Variants in CFAP92 observed in about 807,000 individuals in gnomAD.
CFAP92 encodes the protein cilia and flagella associated protein 92 (putative), also known as uncharacterized protein CFAP92.
Under a neutral mutation model 106.3 loss-of-function variants are expected in CFAP92, and 86 were observed. The observed-to-expected ratio is 0.81, with a 90% confidence interval of 0.68 to 0.97. CFAP92 has a LOEUF of 0.97. Ranked by LOEUF, CFAP92 falls within the 50% of genes least tolerant of loss-of-function variation. The pLI is 0.00. For missense variants in CFAP92, 1,204 were observed against 1,283.8 expected, an observed-to-expected ratio of 0.94 and a Z score of 0.95; for synonymous variants, 477 against 506.4, an observed-to-expected ratio of 0.94 and a Z score of 0.78.
upstream of CFAP92, chr3:129,004,118 C>A: frequency 2.1e-6 from 3 of 1,442,160 alleles, no homozygotes; most frequent in Non-Finnish European, 2.7e-6. Flanking sequence ...TTCCCCAATT[C>A]GGCTCCCATT....
the CFAP92 span, among the ~76,000 whole-genome samples, chr3:129,014,399 T>C: frequency 6.6e-6 from 1 of 152,152 alleles, no homozygotes; most frequent in Non-Finnish European, 1.5e-5. This position sits in a 1 kb window ranked among gnomAD's most constrained non-coding sequence, Gnocchi z 4.3. Flanking sequence ...AGCGTTGGCT[T>C]CTCCTGCGGC....
upstream of CFAP92, chr3:128,994,235 A>G (rs1425474687): frequency 1.3e-6 from 1 of 755,260 alleles, no homozygotes; most frequent in Non-Finnish European, 1.6e-6. Context: ...AAATGGCTAC[A>G]TCCAGGTTCA....
chr3:128,952,107 A>AT (rs1312463904), intron 9 of CFAP92, among the ~76,000 whole-genome samples: 6 of 148,618 alleles, frequency 4.0e-5, no homozygotes, highest in African/African-American at 1.5e-4. Flanking sequence ...TACACATACA[A>AT]TTTTTTTCTT....
chr3:128,976,280 C>T (rs1043290201), intron 6 of CFAP92, among the ~76,000 whole-genome samples: 5 of 151,942 alleles, frequency 3.3e-5, no homozygotes, highest in African/African-American at 1.2e-4. Flanking sequence ...AGGAATTATC[C>T]ACAACATTTA....
intron 9 of CFAP92, among the ~76,000 whole-genome samples, chr3:128,962,101 C>T (rs1367751781): frequency 1.3e-5 from 2 of 152,218 alleles, no homozygotes; most frequent in African/African-American, 2.4e-5. Context: ...ACCTGGCAGC[C>T]ACTCCCAGAG....
At chr3:128,913,336 C>G (rs1936550583) in intron 15 of CFAP92, among the ~76,000 whole-genome samples, 1 of 152,202 alleles carries the variant, frequency 6.6e-6, no homozygotes, top group African/African-American at 2.4e-5. Flanking sequence ...GGGAGGCTGT[C>G]TCAGCTGATG....
At chr3:128,974,600 C>G (rs1235175626) in intron 7 of CFAP92, among the ~76,000 whole-genome samples, 1 of 150,940 alleles carries the variant, frequency 6.6e-6, no homozygotes, top group Non-Finnish European at 1.5e-5. Context: ...GCAGGCAGAT[C>G]ATTTGAGATC....
chr3:129,004,113 C>T, upstream of CFAP92: 1 of 1,456,032 alleles, frequency 6.9e-7, no homozygotes, highest in Non-Finnish European at 9.0e-7. Context: ...CCAAGTTCCC[C>T]AATTCGGCTC....
intron 5 of CFAP92, 41 bp from the exon 6 acceptor site, chr3:128,977,107 G>T: frequency 6.5e-7 from 1 of 1,531,766 alleles, no homozygotes; most frequent in African/African-American, 1.4e-5. Flanking sequence ...TTTGTTACAT[G>T]CTAGTTCACT....
At chr3:128,972,573 C>T (rs1053944447) in intron 7 of CFAP92, among the ~76,000 whole-genome samples, 14 of 151,000 alleles carry the variant, frequency 9.3e-5, no homozygotes, top group African/African-American at 3.2e-4. Context: ...GGTGATGTTT[C>T]GCCCGAGTGT....
At chr3:128,999,589 A>G (rs1225822226) in intron 1 of CFAP92, among the ~76,000 whole-genome samples, 1 of 122,208 alleles carries the variant, frequency 8.2e-6, no homozygotes, top group Non-Finnish European at 1.6e-5. Flanking sequence ...CCCAGGCTGG[A>G]GTGCAATGGC....
At chr3:128,965,027 C>A (rs1576553002) in intron 9 of CFAP92, among the ~76,000 whole-genome samples, 1 of 152,222 alleles carries the variant, frequency 6.6e-6, no homozygotes, top group East Asian at 1.9e-4. Flanking sequence ...ATCCAGATGG[C>A]CTGAAGTAAC....
intron 2 of CFAP92, among the ~76,000 whole-genome samples, chr3:128,989,279 A>G (rs1944059751): frequency 7.6e-6 from 1 of 131,398 alleles, no homozygotes; most frequent in South Asian, 2.4e-4. Context: ...TCCTGGCCCT[A>G]AGAAGCAGGT....
chr3:128,953,606 TCCCTCTCCCTCTCCCTCCCTCTCC>T (rs1941053771), intron 9 of CFAP92, among the ~76,000 whole-genome samples: 1 of 48,040 alleles, frequency 2.1e-5, no homozygotes, highest in Non-Finnish European at 4.4e-5. Context: ...CCTCCCCCTC[TCCCTCTCCCTCTCCCTCCCTCTCC>T]GTCTCCCTCT....
At chr3:128,994,599 C>G (rs561032260), upstream of CFAP92, among the ~76,000 whole-genome samples, 1 of 152,334 alleles carries the variant, frequency 6.6e-6, no homozygotes, top group East Asian at 1.9e-4. Context: ...ATCATGAGCG[C>G]CAACTCAGAG....
the CFAP92 span, among the ~76,000 whole-genome samples, chr3:129,014,378 T>C: frequency 6.6e-6 from 1 of 152,094 alleles, no homozygotes; most frequent in Admixed American, 6.5e-5. This position sits in a 1 kb window ranked among gnomAD's most constrained non-coding sequence, Gnocchi z 4.3. Context: ...CTGACCAGAG[T>C]GCGGTGTCGC....
intron 12 of CFAP92, among the ~76,000 whole-genome samples, chr3:128,916,856 C>G (rs947363818): frequency 6.6e-6 from 1 of 152,152 alleles, no homozygotes; most frequent in African/African-American, 2.4e-5. Flanking sequence ...CAAGGGAGAA[C>G]TGGGAAAGTT....
At chr3:128,947,793 C>T (rs1369592410) in intron 9 of CFAP92, among the ~76,000 whole-genome samples, 1 of 152,166 alleles carries the variant, frequency 6.6e-6, no homozygotes, top group East Asian at 1.9e-4. Flanking sequence ...GCTACAACTG[C>T]ACCACTGCAC....
At chr3:128,959,027 A>G (rs1433911850) in intron 9 of CFAP92, among the ~76,000 whole-genome samples, 1 of 152,126 alleles carries the variant, frequency 6.6e-6, no homozygotes, top group African/African-American at 2.4e-5. Flanking sequence ...ATTGACCAAC[A>G]TGGAGAAACC....
Sources: allele counts gnomAD v4.1 joint callset (sites outside exome capture counted in the v4.1 genomes callset), GRCh38; gene constraint gnomAD v4.1.1; non-coding constraint Gnocchi (gnomAD v3.1); transcripts MANE v1.5; gene names NCBI Gene and HGNC (gene_info 2026-07-23, HGNC 2026-07-21).